Variants in ULK4 observed in about 807,000 individuals in gnomAD.
ULK4 encodes the protein unc-51 like kinase 4, also known as inactive serine/threonine-protein kinase ULK4.
A neutral mutation model predicts 160.6 loss-of-function variants in ULK4; 133 were observed. That is an observed-to-expected ratio of 0.83 (90% CI 0.72 to 0.96). The LOEUF (loss-of-function observed/expected upper bound fraction) is 0.96. ULK4 is among the 40% of genes least tolerant of loss of function. The pLI, the probability that ULK4 is intolerant of heterozygous loss-of-function variation, is 0.00. For missense variants in ULK4, 1,580 were observed against 1,499.5 expected (o/e 1.05, Z -0.89); for synonymous variants, 534 against 539.8 (o/e 0.99, Z 0.15).
intron 21 of ULK4, among the ~76,000 whole-genome samples, chr3:41,786,075 G>A (rs1178983982): frequency 2.0e-5 from 3 of 152,062 alleles, no homozygotes; most frequent in Non-Finnish European, 2.9e-5. Flanking sequence ...ATAATGTGTG[G>A]CTCCACTCCA....
At position 41,957,417 on chromosome 3, in the gene ULK4, T is replaced by G. The variant is rs1319175964; in HGVS notation, c.-48-2610A>C. On this transcript the variant is annotated intron_variant, in intron 1 of 36. Transcript: ENST00000301831. ...TTGCAGTGAGCTAAGATGGTGCCACTGTACTCCAGCCTGGGAGACAGAGCA... is the reference window on the plus strand; with the variant it reads ...TTGCAGTGAGCTAAGATGGTGCCACGGTACTCCAGCCTGGGAGACAGAGCA... 2.3e-5 allele frequency among the ~76,000 whole-genome samples: 3 copies of G among 130,928 alleles called. 1 individual carries two copies. The highest frequency in any genetic ancestry group is 0.012 in the Middle Eastern group (2 of 162). 85.9% of individuals were successfully genotyped at this position (130,928 alleles called of 152,430 possible).
intron 32 of ULK4, among the ~76,000 whole-genome samples, chr3:41,491,968 G>A (rs9877270): frequency 0.42 from 61,886 of 148,520 alleles, 12,869 homozygotes; most frequent in African/African-American, 0.44. Context: ...ATCTATGAAT[G>A]AGAACATGTG....
chr3:41,246,925 T>C lies in ULK4; in HGVS notation c.*4A>G. ...GGGCGGGCTTGTGCTAAGCACCTTC[T>C]TGCCTAGTGCCCAACGGCTTGGAGG... On this transcript the variant is annotated 3_prime_UTR_variant, in exon 37 of 37. Coordinates refer to ENST00000301831, the MANE Select transcript of ULK4 (RefSeq NM_017886.4). 1 of 1,613,632 alleles carries C rather than the reference T, an allele frequency of 6.2e-7. No homozygotes were observed. The highest frequency in any genetic ancestry group is 8.5e-7 in the Non-Finnish European group (1 of 1,179,860).
At chr3:41,434,800 T>C (rs1480641826) in intron 34 of ULK4, among the ~76,000 whole-genome samples, 4 of 152,216 alleles carry the variant, frequency 2.6e-5, no homozygotes, top group Admixed American at 6.5e-5. Context: ...TACATTATAG[T>C]ATGTTTGCCT....
intron 35 of ULK4, among the ~76,000 whole-genome samples, chr3:41,267,862 G>A (rs1174753183): frequency 6.6e-6 from 1 of 152,170 alleles, no homozygotes; most frequent in Non-Finnish European, 1.5e-5. Context: ...AACCATCAAA[G>A]GACACTGAGA....
chr3:41,938,006 A>T, intron 3 of ULK4, 92 bp downstream of exon 3: 1 of 917,336 alleles, frequency 1.1e-6, no homozygotes, highest in Middle Eastern at 2.6e-4. Flanking sequence ...TTTTCAAGTT[A>T]ACATAGTAAA....
chr3:41,721,007 A>G (rs2037434854), intron 22 of ULK4, among the ~76,000 whole-genome samples: 1 of 152,138 alleles, frequency 6.6e-6, no homozygotes, highest in Non-Finnish European at 1.5e-5. Context: ...GTACATAATT[A>G]GAATGCGGCT....
intron 21 of ULK4, among the ~76,000 whole-genome samples, chr3:41,788,253 GT>G (rs1225991457): frequency 1.4e-4 from 21 of 152,142 alleles, no homozygotes; most frequent in Admixed American, 2.0e-4. Context: ...GACATTTTAA[GT>G]TTCATTATAA....
rs17058369 is a variant in ULK4, at chr3:41,519,412, G to A, written c.3226+46613C>T. ...TACTTGCCTCACTACCGTGGATGCC[G>A]AATGATAATCAGTCGCTAATTTCAT... On this transcript the variant is annotated intron_variant, in intron 32 of 36. Coordinates refer to ENST00000301831, the MANE Select transcript of ULK4 (RefSeq NM_017886.4). 6.9e-3 allele frequency among the ~76,000 whole-genome samples: 1,045 copies of A among 152,308 alleles called. 13 individuals carry two copies. Among genetic ancestry groups the A allele is most frequent in the African/African-American group, 0.024 (982 of 41,562 alleles).
chr3:41,411,043 TAACAATGTACCCCAA>T lies in ULK4; in HGVS notation c.3493-12794_3493-12780del, dbSNP rs547245386. Among the ~76,000 whole-genome samples the T allele has an allele frequency of 1.5e-3, 222 of 152,280 alleles. 1 individual carries two copies. The highest frequency in any genetic ancestry group is 0.013 in the Admixed American group (196 of 15,298). On this transcript the variant is annotated intron_variant, in intron 34 of 36. Coordinates refer to ENST00000301831, the MANE Select transcript of ULK4 (RefSeq NM_017886.4). ...TTTCCAGAGGACACAAGTTAACCCA[TAACAATGTACCCCAA>T]AACACAAGATCATCTCAATAGAAAA...
chr3:41,571,233 T>C (rs1219982994), intron 31 of ULK4, among the ~76,000 whole-genome samples: 2 of 152,158 alleles, frequency 1.3e-5, no homozygotes, highest in East Asian at 3.9e-4. Context: ...GAGGGAGACC[T>C]TGGAGCACAG....
intron 32 of ULK4, among the ~76,000 whole-genome samples, chr3:41,544,438 C>T (rs1467345015): frequency 6.6e-6 from 1 of 152,200 alleles, no homozygotes; most frequent in Non-Finnish European, 1.5e-5. Context: ...GCCTCAACAT[C>T]AGCCAGAAGA....
intron 33 of ULK4, among the ~76,000 whole-genome samples, chr3:41,461,409 A>G (rs571214575): frequency 6.6e-6 from 1 of 152,238 alleles, no homozygotes; most frequent in Admixed American, 6.5e-5. Context: ...TTCACATTCC[A>G]TTTCTTTTCC....
intron 7 of ULK4, among the ~76,000 whole-genome samples, chr3:41,916,616 C>T (rs1318794481): frequency 2.6e-5 from 4 of 152,028 alleles, no homozygotes; most frequent in African/African-American, 9.7e-5. Flanking sequence ...GTCTCCAACT[C>T]CTGGGCTCCA....
intron 30 of ULK4, among the ~76,000 whole-genome samples, chr3:41,644,836 G>A (rs1442572657): frequency 6.6e-6 from 1 of 152,116 alleles, no homozygotes; most frequent in Non-Finnish European, 1.5e-5. Context: ...ACTCTTTTTG[G>A]TTGGTAAGCT....
chr3:41,644,427 C>T (rs1241627315), intron 30 of ULK4, among the ~76,000 whole-genome samples: 15 of 152,084 alleles, frequency 9.9e-5, no homozygotes, highest in East Asian at 5.8e-4. Flanking sequence ...TGTCAAAGGC[C>T]TTTTCTGCAT....
In ULK4 at chr3:41,380,989, G is replaced by A. The variant is rs1032738973; in HGVS notation, c.3678+17090C>T. Among the ~76,000 whole-genome samples, 5 of 151,946 alleles carry A rather than the reference G, an allele frequency of 3.3e-5. No individual in the cohort carries two copies. The East Asian group carries it at 7.8e-4, about 24-fold the overall frequency. On this transcript the variant is annotated intron_variant, in intron 35 of 36. Coordinates refer to ENST00000301831, the MANE Select transcript of ULK4 (RefSeq NM_017886.4). ...TCCTTGGTTCTCACTGCTGCTTCCC[G>A]GCCATTCTCCACCCTTCCTCCATGC...
intron 27 of ULK4, among the ~76,000 whole-genome samples, chr3:41,702,391 T>C (rs2036705549): frequency 6.6e-6 from 1 of 152,118 alleles, no homozygotes; most frequent in African/African-American, 2.4e-5. Context: ...GTGATCTGTC[T>C]GCCTCGGCCT....
At chr3:41,882,213 T>C in intron 17 of ULK4, 1 of 703,064 alleles carries the variant, frequency 1.4e-6, no homozygotes, top group South Asian at 1.5e-5. Flanking sequence ...CACAAGGCAC[T>C]GTCTAGGCAC....
Sources: allele counts gnomAD v4.1 joint callset (sites outside exome capture counted in the v4.1 genomes callset), GRCh38; gene constraint gnomAD v4.1.1; transcripts MANE v1.5; gene names NCBI Gene and HGNC (gene_info 2026-07-23, HGNC 2026-07-21).